The following PCNX2 variants were observed in gnomAD, a reference collection of about 807,000 sequenced individuals.
PCNX2 encodes the protein pecanex 2.
A neutral mutation model predicts 223.8 loss-of-function variants in PCNX2; 168 were observed. That is an observed-to-expected ratio of 0.75 (90% CI 0.66 to 0.85). The LOEUF is 0.85. PCNX2 is among the 40% of genes least tolerant of loss of function. The pLI, the probability that PCNX2 is intolerant of heterozygous loss-of-function variation, is 0.00. For synonymous variants in PCNX2, 1,006 were observed against 1,052.6 expected (o/e 0.96, Z 0.86); for missense variants, 2,507 against 2,675.5 (o/e 0.94, Z 1.39).
chr1:233,259,710 G>C (rs941005876), intron 4 of PCNX2, among the ~76,000 whole-genome samples: 1 of 152,098 alleles, frequency 6.6e-6, no homozygotes, highest in Non-Finnish European at 1.5e-5. Context: ...ATTTATGAGT[G>C]AGTTTAGTTT....
chr1:233,192,640 T>C (rs966557277), intron 15 of PCNX2, among the ~76,000 whole-genome samples: 6 of 151,972 alleles, frequency 3.9e-5, no homozygotes, highest in African/African-American at 1.4e-4. Flanking sequence ...TTTTAGAAAA[T>C]ATCTGATTTA....
intron 23 of PCNX2, among the ~76,000 whole-genome samples, chr1:233,086,157 G>T (rs1418688193): frequency 6.6e-6 from 1 of 152,114 alleles, no homozygotes; most frequent in African/African-American, 2.4e-5. Context: ...AAGAGGTTGA[G>T]GGAGGGAAGG....
chr1:233,206,747 C>T (rs1192074012), intron 13 of PCNX2, among the ~76,000 whole-genome samples: 1 of 152,030 alleles, frequency 6.6e-6, no homozygotes, highest in African/African-American at 2.4e-5. Flanking sequence ...TGGCCAGGCA[C>T]GGTGGCTCAC....
intron 25 of PCNX2, among the ~76,000 whole-genome samples, chr1:233,051,824 A>C (rs968217895): frequency 2.6e-5 from 4 of 152,200 alleles, no homozygotes; most frequent in Non-Finnish European, 5.9e-5. Flanking sequence ...AAACCTGCAT[A>C]TGTACCCCCA....
At chr1:233,100,138 C>A (rs549267428) in intron 21 of PCNX2, among the ~76,000 whole-genome samples, 1 of 152,068 alleles carries the variant, frequency 6.6e-6, no homozygotes, top group African/African-American at 2.4e-5. Context: ...GAGGGCCGGG[C>A]GCGGGGGCTC....
At position 233,253,217 on chromosome 1, in the gene PCNX2, A is replaced by C. The variant is rs1450695354; in HGVS notation, c.1835-429T>G. ...AACAAGGTCCCCTTTACCATTTATAAATCTTATCAGTCTTTCTTCTCACTC... is the reference window on the plus strand; with the variant it reads ...AACAAGGTCCCCTTTACCATTTATACATCTTATCAGTCTTTCTTCTCACTC... On this transcript the variant is annotated intron_variant, in intron 5 of 33. Coordinates refer to ENST00000258229, the MANE Select transcript of PCNX2 (RefSeq NM_014801.4). The surrounding 1 kb of genome is among the most constrained non-coding windows in gnomAD (Gnocchi z 4.2). 1.3e-5 allele frequency among the ~76,000 whole-genome samples: 2 copies of C among 152,206 alleles called. No individual in the cohort carries two copies. The highest frequency in any genetic ancestry group is 2.9e-5 in the Non-Finnish European group (2 of 68,026).
At chr1:233,234,784 G>C (rs990215491) in intron 9 of PCNX2, among the ~76,000 whole-genome samples, 2 of 152,164 alleles carry the variant, frequency 1.3e-5, no homozygotes, top group Admixed American at 6.5e-5. Flanking sequence ...GGGTGGTAGG[G>C]AGTTAGCACT....
At chr1:233,223,842 T>C (rs2102940079) in intron 10 of PCNX2, among the ~76,000 whole-genome samples, 1 of 152,350 alleles carries the variant, frequency 6.6e-6, no homozygotes, top group African/African-American at 2.4e-5. Context: ...GAAGCATGAA[T>C]GATTTCCTCT....
chr1:233,001,445 C>T lies in PCNX2; in HGVS notation c.5097+92G>A. ...GGTGAGCCGAGATTGTGCCATTGCA[C>T]CCCAGCCTGGGCAACAAGAGCGAAA... On this transcript the variant is annotated intron_variant, in intron 29 of 33. Coordinates refer to ENST00000258229, the MANE Select transcript of PCNX2 (RefSeq NM_014801.4). This position sits in a 1 kb window ranked among gnomAD's most constrained non-coding sequence, Gnocchi z 4.2. The T allele has an allele frequency of 2.3e-6, 2 of 886,806 alleles. No homozygotes were observed. The highest frequency in any genetic ancestry group is 2.8e-6 in the Non-Finnish European group (2 of 706,834). 54.9% of individuals were successfully genotyped at this position (886,806 alleles called of 1,614,324 possible). A position where few individuals can be genotyped will look rare whatever the true frequency, so the allele number is the denominator to read the frequency against.
intron 25 of PCNX2, among the ~76,000 whole-genome samples, chr1:233,043,818 T>G (rs1442070178): frequency 6.8e-6 from 1 of 147,842 alleles, no homozygotes; most frequent in African/African-American, 2.5e-5. Flanking sequence ...TGTTGGACAT[T>G]TGGGTTGGTT....
At chr1:233,265,343 G>C (rs1293025011) in intron 1 of PCNX2, among the ~76,000 whole-genome samples, 1 of 152,050 alleles carries the variant, frequency 6.6e-6, no homozygotes, top group Non-Finnish European at 1.5e-5. Context: ...GAGAGTTAGT[G>C]ATCACTAAAT....
At chr1:233,190,635 A>G (rs1381568633) in intron 15 of PCNX2, among the ~76,000 whole-genome samples, 1 of 152,280 alleles carries the variant, frequency 6.6e-6, no homozygotes, top group East Asian at 1.9e-4. Context: ...CCTCCCTGAG[A>G]TGAAATAAAC....
At chr1:233,050,154 G>A (rs1671949282) in intron 25 of PCNX2, among the ~76,000 whole-genome samples, 1 of 151,930 alleles carries the variant, frequency 6.6e-6, no homozygotes, top group Admixed American at 6.6e-5. Context: ...GGGTTGATGG[G>A]TGCAGCAAAC....
intron 15 of PCNX2, among the ~76,000 whole-genome samples, chr1:233,192,125 C>G (rs940685547): frequency 6.6e-6 from 1 of 152,186 alleles, no homozygotes; most frequent in Non-Finnish European, 1.5e-5. Context: ...AGGAGTCTTA[C>G]AATTCCCTAA....
the PCNX2 span, among the ~76,000 whole-genome samples, chr1:233,325,978 G>A: frequency 2.2e-4 from 33 of 152,266 alleles, no homozygotes; most frequent in Admixed American, 9.2e-4. Flanking sequence ...ATTTGCCATA[G>A]CCACTCCAAC....
At chr1:233,231,703 G>A (rs1317122618) in intron 9 of PCNX2, 2 of 978,814 alleles carry the variant, frequency 2.0e-6, no homozygotes, top group Admixed American at 6.2e-5. Context: ...GGAACTACGT[G>A]TAACTCCTAA....
intron 8 of PCNX2, among the ~76,000 whole-genome samples, chr1:233,238,471 G>A (rs1658551646): frequency 6.6e-6 from 1 of 152,082 alleles, no homozygotes; most frequent in Non-Finnish European, 1.5e-5. Context: ...CAGGAGGACT[G>A]CTTGAGCCCA....
intron 23 of PCNX2, among the ~76,000 whole-genome samples, chr1:233,063,169 G>A (rs1672467134): frequency 6.6e-6 from 1 of 152,150 alleles, no homozygotes; most frequent in Admixed American, 6.5e-5. Flanking sequence ...CCTGGGAGGC[G>A]AGGCTGCAGT....
chr1:233,018,443 C>T (rs1670761264), intron 26 of PCNX2, among the ~76,000 whole-genome samples: 1 of 152,200 alleles, frequency 6.6e-6, no homozygotes, highest in South Asian at 2.1e-4. Context: ...ACCCATGTTT[C>T]CTTCTTAATC....
Sources: allele counts gnomAD v4.1 joint callset (sites outside exome capture counted in the v4.1 genomes callset), GRCh38; gene constraint gnomAD v4.1.1; non-coding constraint Gnocchi (gnomAD v3.1); transcripts MANE v1.5; gene names NCBI Gene and HGNC (gene_info 2026-07-23, HGNC 2026-07-21).